Variants in DPY19L2 observed in about 807,000 individuals in gnomAD.
DPY19L2 encodes dpy-19 like 2.
Under a neutral mutation model 97.9 loss-of-function variants are expected in DPY19L2, and 34 were observed. That is an observed-to-expected ratio of 0.35 (90% CI 0.26 to 0.46). The LOEUF is 0.46. DPY19L2 is among the 20% of genes least tolerant of loss of function. The pLI, the probability that DPY19L2 is intolerant of heterozygous loss-of-function variation, is 1.00. For synonymous variants in DPY19L2, 230 were observed against 307.9 expected, an observed-to-expected ratio of 0.75 and a Z score of 2.65; for missense variants, 623 against 911.4, an observed-to-expected ratio of 0.68 and a Z score of 4.07.
rs531719094 is a variant in DPY19L2, at chr12:63,625,984, A to G, written c.861+485T>C. 3.6e-4 allele frequency among the ~76,000 whole-genome samples: 54 copies of G among 148,200 alleles called. No individual in the cohort carries two copies. In the East Asian group the frequency reaches 6.4e-3, roughly 18 times the overall value. On this transcript the variant is annotated intron_variant, in intron 7 of 21. Transcript: ENST00000324472. ...TTTTATAAAATATAACTATAATTTT[A>G]TAATTTATAAAATATAAATTAATAT...
chr12:63,570,972 C>A (rs1448950493), intron 19 of DPY19L2, 115 bp from the exon 20 acceptor site: 4 of 959,962 alleles, frequency 4.2e-6, no homozygotes, highest in Non-Finnish European at 6.0e-6. Flanking sequence ...ATTTACATGA[C>A]CATGGACCTC....
intron 6 of DPY19L2, among the ~76,000 whole-genome samples, chr12:63,633,122 A>G (rs1891011612): frequency 6.6e-6 from 1 of 152,242 alleles, no homozygotes; most frequent in South Asian, 2.1e-4. Context: ...CTAGAAGAAA[A>G]CCTAGGCATT....
chr12:63,656,413 C>T (rs142468731), intron 4 of DPY19L2, among the ~76,000 whole-genome samples: 125 of 152,212 alleles, frequency 8.2e-4, no homozygotes, highest in African/African-American at 2.7e-3. Flanking sequence ...AAGAGCCAGG[C>T]GATAAGTATT....
intron 16 of DPY19L2, among the ~76,000 whole-genome samples, chr12:63,590,081 T>C (rs573777381): frequency 7.2e-4 from 109 of 151,774 alleles, no homozygotes; most frequent in Non-Finnish European, 1.1e-3. Context: ...TGAGCCGAGA[T>C]TGTGCCACTG....
chr12:63,608,575 G>C, intron 12 of DPY19L2, 41 bp downstream of exon 12: 2 of 1,493,268 alleles, frequency 1.3e-6, no homozygotes, highest in Non-Finnish European at 9.2e-7. Context: ...GAAATAAAAA[G>C]TAGAATTTAA....
intron 6 of DPY19L2, among the ~76,000 whole-genome samples, chr12:63,640,013 A>C (rs188154927): frequency 3.9e-5 from 6 of 152,342 alleles, no homozygotes; most frequent in East Asian, 3.9e-4. Context: ...ATGGAATACT[A>C]TGCAGCCATA....
intron 6 of DPY19L2, among the ~76,000 whole-genome samples, chr12:63,635,300 C>A (rs908827398): frequency 1.2e-4 from 18 of 151,990 alleles, no homozygotes; most frequent in Non-Finnish European, 2.4e-4. Flanking sequence ...TCATCAAAGA[C>A]CAAAGGGAGA....
intron 16 of DPY19L2, among the ~76,000 whole-genome samples, chr12:63,586,454 AC>A (rs1214293567): frequency 6.6e-6 from 1 of 152,152 alleles, no homozygotes; most frequent in African/African-American, 2.4e-5. Context: ...TTTCAGCATA[AC>A]CTGGAAGGAG....
At chr12:63,624,173 A>C (rs1423180880) in intron 7 of DPY19L2, 42 bp from the exon 8 acceptor site, 4 of 1,447,324 alleles carry the variant, frequency 2.8e-6, no homozygotes, top group Non-Finnish European at 3.9e-6. Context: ...TATTTACTAC[A>C]ACAAACATAT....
At chr12:63,565,445 C>T (rs1237877503) in intron 21 of DPY19L2, among the ~76,000 whole-genome samples, 1 of 152,182 alleles carries the variant, frequency 6.6e-6, no homozygotes, top group East Asian at 1.9e-4. Context: ...TCTACCATCA[C>T]ATCGCCTTTT....
chr12:63,663,460 T>A (rs1445182823), intron 3 of DPY19L2, among the ~76,000 whole-genome samples: 1 of 152,198 alleles, frequency 6.6e-6, no homozygotes. Context: ...CAATTTCTGA[T>A]AACATCTCAT....
intron 7 of DPY19L2, among the ~76,000 whole-genome samples, chr12:63,624,995 T>C (rs1441424629): frequency 1.3e-5 from 2 of 152,194 alleles, no homozygotes; most frequent in Non-Finnish European, 2.9e-5. Context: ...TGAATGACAA[T>C]GCATTTGTTT....
At chr12:63,594,582 T>C (rs1295755162) in intron 15 of DPY19L2, among the ~76,000 whole-genome samples, 1 of 77,594 alleles carries the variant, frequency 1.3e-5, no homozygotes, top group African/African-American at 8.6e-5. Context: ...GATGTTTGTA[T>C]GTGTGTGTGT....
chr12:63,608,908 A>ACC, intron 11 of DPY19L2, among the ~76,000 whole-genome samples: 2 of 152,046 alleles, frequency 1.3e-5, no homozygotes, highest in Non-Finnish European at 2.9e-5. Flanking sequence ...TTCCTCACTT[A>ACC]AATACCCTGA....
intron 16 of DPY19L2, among the ~76,000 whole-genome samples, chr12:63,586,310 T>A (rs1007947422): frequency 6.6e-6 from 1 of 152,194 alleles, no homozygotes; most frequent in African/African-American, 2.4e-5. Context: ...CCAGAAAGCA[T>A]GCCAATTCTA....
rs370751762 is a variant in DPY19L2 at position 63,610,714 on chromosome 12, C to G, written c.1219-2039G>C. On this transcript the variant is annotated intron_variant, in intron 11 of 21. Coordinates refer to ENST00000324472, the MANE Select transcript of DPY19L2 (RefSeq NM_173812.5). Reference sequence around the variant, plus strand: ...AATAAGAATTCACACCAATCCTTCTCAAGCTCTTCCAAAAAATTGAAGAGA... The same window carrying G: ...AATAAGAATTCACACCAATCCTTCTGAAGCTCTTCCAAAAAATTGAAGAGA... Among the ~76,000 whole-genome samples, 20 of 150,802 alleles carry G rather than the reference C, an allele frequency of 1.3e-4. No homozygotes were observed. The East Asian group carries it at 3.9e-3, about 29-fold the overall frequency.
At chr12:63,651,038 G>T (rs973984072) in intron 4 of DPY19L2, among the ~76,000 whole-genome samples, 6 of 152,052 alleles carry the variant, frequency 3.9e-5, no homozygotes, top group African/African-American at 1.2e-4. Context: ...ACAGCATGGT[G>T]CTAGCACAAA....
intron 3 of DPY19L2, among the ~76,000 whole-genome samples, chr12:63,661,777 A>T (rs1895709159): frequency 6.6e-6 from 1 of 152,210 alleles, no homozygotes; most frequent in Non-Finnish European, 1.5e-5. Flanking sequence ...TATATGTTTG[A>T]TTTTCCCAAA....
intron 16 of DPY19L2, among the ~76,000 whole-genome samples, chr12:63,586,019 AAAAG>A (rs1410157669): frequency 2.6e-5 from 4 of 152,314 alleles, no homozygotes; most frequent in South Asian, 2.1e-4. Flanking sequence ...ACACAGAAAG[AAAAG>A]AAATAGATAA....
Sources: allele counts gnomAD v4.1 joint callset (sites outside exome capture counted in the v4.1 genomes callset), GRCh38; gene constraint gnomAD v4.1.1; transcripts MANE v1.5; gene names NCBI Gene and HGNC (gene_info 2026-07-23, HGNC 2026-07-21).